TRIO: variants seen among roughly 807,000 people sequenced by gnomAD.
The protein encoded by TRIO is triple functional domain protein.
Under a neutral mutation model 351.9 loss-of-function variants are expected in TRIO, and 58 were observed. That is an observed-to-expected ratio of 0.16 (90% CI 0.13 to 0.21). The LOEUF is 0.21. Among genes scored for constraint, TRIO ranks in the 10% least tolerant of loss-of-function variants. TRIO has a pLI of 1.00. For synonymous variants in TRIO, 1,758 were observed against 1,595.7 expected, an observed-to-expected ratio of 1.10 and a Z score of -2.42; for missense variants, 3,201 against 4,027.8, an observed-to-expected ratio of 0.79 and a Z score of 5.56.
intron 25 of TRIO, among the ~76,000 whole-genome samples, chr5:14,389,988 A>G (rs574260438): frequency 1.3e-5 from 2 of 152,298 alleles, no homozygotes; most frequent in East Asian, 1.9e-4. Flanking sequence ...TCAGCCAAAT[A>G]TTTACGTCTC....
chr5:14,332,808 T>C (rs1741024978), intron 10 of TRIO, among the ~76,000 whole-genome samples: 1 of 152,184 alleles, frequency 6.6e-6, no homozygotes, highest in Admixed American at 6.5e-5. Context: ...AACACCTACC[T>C]TCACCGAGTC....
chr5:14,457,830 G>C (rs1318052867), intron 34 of TRIO, among the ~76,000 whole-genome samples: 1 of 152,156 alleles, frequency 6.6e-6, no homozygotes, highest in Non-Finnish European at 1.5e-5. Context: ...TGGGTGGACA[G>C]AGGGACCAGG....
At chr5:14,504,645 G>A in intron 55 of TRIO, 52 bp downstream of exon 55, 1 of 1,586,606 alleles carries the variant, frequency 6.3e-7, no homozygotes, top group East Asian at 2.2e-5. Context: ...TCCACCTCAG[G>A]GGGTTTTGTT....
intron 1 of TRIO, among the ~76,000 whole-genome samples, chr5:14,240,556 A>G (rs1794066917): frequency 6.6e-6 from 1 of 152,208 alleles, no homozygotes; most frequent in Admixed American, 6.5e-5. Context: ...CATATTTGGG[A>G]TGAAATCTAA....
At chr5:14,165,594 C>A (rs1000694542) in intron 1 of TRIO, among the ~76,000 whole-genome samples, 1 of 152,146 alleles carries the variant, frequency 6.6e-6, no homozygotes, top group East Asian at 1.9e-4. Flanking sequence ...TGTTGACCCT[C>A]TGTCTGTCTT....
At position 14,497,617 on chromosome 5, in the gene TRIO, AAC is replaced by A. The variant is rs1276243654; in HGVS notation, c.8020-224_8020-223del. Among the ~76,000 whole-genome samples, 2 of 152,202 alleles carry A rather than the reference AAC, an allele frequency of 1.3e-5. No homozygotes were observed. The highest frequency in any genetic ancestry group is 2.4e-5 in the African/African-American group (1 of 41,452). On this transcript the variant is annotated intron_variant, in intron 50 of 56. Coordinates refer to ENST00000344204, the MANE Select transcript of TRIO (RefSeq NM_007118.4). This position sits in a 1 kb window ranked among gnomAD's most constrained non-coding sequence, Gnocchi z 4.4. Reference sequence around the variant, plus strand: ...TGGACTCAGCCTGTAGCATGAGAAAAACACACATCTAAGCAGTGTTTTTGTGT... The same window carrying A: ...TGGACTCAGCCTGTAGCATGAGAAAAACACATCTAAGCAGTGTTTTTGTGT...
chr5:14,168,549 G>A lies in TRIO; in HGVS notation c.157+24667G>A, dbSNP rs16903251. ...AGGATTGATGTGCAATTTATTGTTT[G>A]TCTGCAGCAGAATGACTTGTATGGC... On this transcript the variant is annotated intron_variant, in intron 1 of 56. Coordinates refer to ENST00000344204, the MANE Select transcript of TRIO (RefSeq NM_007118.4). 8.7e-4 allele frequency among the ~76,000 whole-genome samples: 132 copies of A among 152,340 alleles called. No homozygotes were observed. In the East Asian group the frequency reaches 9.2e-3, roughly 11 times the overall value.
intron 1 of TRIO, among the ~76,000 whole-genome samples, chr5:14,238,144 A>G (rs566290854): frequency 8.5e-5 from 13 of 152,216 alleles, no homozygotes; most frequent in Non-Finnish European, 1.5e-4. Context: ...CTCTCGAAAC[A>G]GTGTACGTGT....
At chr5:14,322,282 G>A (rs575677668) in intron 9 of TRIO, among the ~76,000 whole-genome samples, 141 of 152,340 alleles carry the variant, frequency 9.3e-4, no homozygotes, top group African/African-American at 3.1e-3. Flanking sequence ...AAATGGGGGA[G>A]GGTTGGTCTT....
intron 11 of TRIO, among the ~76,000 whole-genome samples, chr5:14,352,889 T>A (rs74699484): frequency 1.6e-4 from 1 of 6,290 alleles, no homozygotes; most frequent in Non-Finnish European, 3.7e-4. Context: ...AGTTTTTGGG[T>A]TTTTTTTTTT....
At chr5:14,362,888 T>C (rs541774109) in intron 13 of TRIO, among the ~76,000 whole-genome samples, 103 of 152,332 alleles carry the variant, frequency 6.8e-4, no homozygotes, top group Non-Finnish European at 1.4e-3. Flanking sequence ...TTTATTATTC[T>C]TTCTGCATTT....
chr5:14,416,318 C>A (rs548170681), intron 33 of TRIO, among the ~76,000 whole-genome samples: 55 of 150,292 alleles, frequency 3.7e-4, no homozygotes, highest in African/African-American at 1.3e-3. Flanking sequence ...AATTAGCAAA[C>A]CTGGTTTCAA....
intron 9 of TRIO, 108 bp from the exon 10 acceptor site, chr5:14,330,670 G>A: frequency 7.4e-7 from 1 of 1,346,428 alleles, no homozygotes; most frequent in Non-Finnish European, 9.7e-7. Flanking sequence ...TTTGCTTCTT[G>A]TTTCTTACAG....
At position 14,304,479 on chromosome 5, in the gene TRIO, T is replaced by G. The variant is rs1738188244; in HGVS notation, c.1387T>G (p.Ser463Ala). The G allele has an allele frequency of 6.2e-7, 1 of 1,611,614 alleles. No individual in the cohort carries two copies. Among genetic ancestry groups the G allele is most frequent in the Non-Finnish European group, 8.5e-7 (1 of 1,179,566 alleles). The change falls in exon 8 of 57, where the codon TCA becomes GCA. Residue 463 changes from serine to alanine, a missense_variant. Transcript: ENST00000344204. ...KAEKYMSNVD[S>A]WCKACGEVDL... ...TTCCAAGTATATGAGCAACGTGGATTCATGGTGTAAAGCTTGCGGTGAGGT... is the reference window on the plus strand; with the variant it reads ...TTCCAAGTATATGAGCAACGTGGATGCATGGTGTAAAGCTTGCGGTGAGGT...
At chr5:14,343,862 G>A (rs1360088187) in intron 11 of TRIO, among the ~76,000 whole-genome samples, 2 of 152,178 alleles carry the variant, frequency 1.3e-5, no homozygotes, top group Admixed American at 6.5e-5. Flanking sequence ...CAGAATGAGC[G>A]TACCATGGTA....
intron 42 of TRIO, 89 bp downstream of exon 42, chr5:14,479,439 G>C (rs563856187): frequency 7.5e-5 from 90 of 1,196,932 alleles, no homozygotes; most frequent in Non-Finnish European, 1.1e-4. Context: ...TTTCCCAGGA[G>C]ACTAATTTCC....
At chr5:14,252,245 C>T (rs1033462713) in intron 1 of TRIO, among the ~76,000 whole-genome samples, 1 of 152,204 alleles carries the variant, frequency 6.6e-6, no homozygotes, top group Middle Eastern at 3.2e-3. Flanking sequence ...GATCCAGTTG[C>T]TTTTCCTTCC....
chr5:14,411,770 A>G lies in TRIO; in HGVS notation c.4959+5098A>G, dbSNP rs186594434. Among the ~76,000 whole-genome samples the G allele has an allele frequency of 8.1e-4, 123 of 151,686 alleles. 2 individuals carry two copies. The highest frequency in any genetic ancestry group is 2.9e-3 in the African/African-American group (118 of 41,374). On this transcript the variant is annotated intron_variant, in intron 33 of 56. Coordinates refer to ENST00000344204, the MANE Select transcript of TRIO (RefSeq NM_007118.4). ...TAAGTGTACACTACTATGCCTGGCT[A>G]GTTTTTTTTTTATTTTTGTAGAGAC...
At chr5:14,308,821 T>C (rs866359173) in intron 8 of TRIO, among the ~76,000 whole-genome samples, 1 of 150,952 alleles carries the variant, frequency 6.6e-6, no homozygotes. Context: ...CCTACATTTA[T>C]CAATCTACCC....
Sources: allele counts gnomAD v4.1 joint callset (sites outside exome capture counted in the v4.1 genomes callset), GRCh38; gene constraint gnomAD v4.1.1; non-coding constraint Gnocchi (gnomAD v3.1); transcripts MANE v1.5; gene names NCBI Gene and HGNC (gene_info 2026-07-23, HGNC 2026-07-21).